Variants in CSMD1 observed in about 807,000 individuals in gnomAD.
CSMD1 encodes the protein CUB and Sushi multiple domains 1.
In CSMD1, 213 loss-of-function variants were observed where a neutral mutation model predicts 417.5. That is an observed-to-expected ratio of 0.51 (90% CI 0.46 to 0.57). The LOEUF is 0.57. Ranked by LOEUF, CSMD1 falls within the 20% of genes least tolerant of loss-of-function variation. The pLI, the probability that CSMD1 is intolerant of heterozygous loss-of-function variation, is 0.00. For synonymous variants in CSMD1, 2,862 were observed against 1,736.8 expected (o/e 1.65, Z -16.11); for missense variants, 6,923 against 4,529.7 (o/e 1.53, Z -15.17).
chr8:3,515,418 A>C (rs1449304389), intron 10 of CSMD1: 1 of 152,240 alleles, frequency 6.6e-6, no homozygotes, highest in Non-Finnish European at 1.5e-5. Context: ...AAGTTTAGAC[A>C]CTTGGTGACA....
chr8:4,063,517 G>C (rs932051703), intron 3 of CSMD1, among the ~76,000 whole-genome samples: 1 of 152,130 alleles, frequency 6.6e-6, no homozygotes, highest in African/African-American at 2.4e-5. Context: ...TATTCTGTGT[G>C]CCACAGTTTT....
chr8:3,248,833 CTG>C (rs1433927084), intron 26 of CSMD1, among the ~76,000 whole-genome samples: 1 of 152,072 alleles, frequency 6.6e-6, no homozygotes, highest in African/African-American at 2.4e-5. Flanking sequence ...TCTACTTACT[CTG>C]TTAATCTTAG....
chr8:4,781,957 A>G (rs1371532127), intron 1 of CSMD1, among the ~76,000 whole-genome samples: 3 of 152,214 alleles, frequency 2.0e-5, no homozygotes, highest in African/African-American at 7.2e-5. Context: ...TATACAAATG[A>G]CAATAAAATA....
Position 4,100,141 on chromosome 8 carries a change from C to T in CSMD1, c.416-68042G>A, listed in dbSNP as rs537955092. ...GGGAAATTACTTACTTTTCCCAATACCTTGGTTTTTATGTGAGTAAAATGG... is the reference window on the plus strand; with the variant it reads ...GGGAAATTACTTACTTTTCCCAATATCTTGGTTTTTATGTGAGTAAAATGG... On this transcript the variant is annotated intron_variant, in intron 3 of 69. Coordinates refer to ENST00000635120, the MANE Select transcript of CSMD1 (RefSeq NM_033225.6). Among the ~76,000 whole-genome samples, 11 of 152,190 alleles carry T rather than the reference C, an allele frequency of 7.2e-5. No homozygotes were observed. In the East Asian group the frequency reaches 9.7e-4, roughly 13 times the overall value.
intron 5 of CSMD1, among the ~76,000 whole-genome samples, chr8:3,958,456 T>C (rs377475057): frequency 1.3e-5 from 2 of 152,208 alleles, no homozygotes; most frequent in East Asian, 1.9e-4. Context: ...ATTTGTTTTA[T>C]TTTTAAAAAT....
intron 2 of CSMD1, among the ~76,000 whole-genome samples, chr8:4,445,711 A>G (rs1297059407): frequency 6.6e-6 from 1 of 152,152 alleles, no homozygotes; most frequent in African/African-American, 2.4e-5. Flanking sequence ...AGGAATTTCT[A>G]TTTGGGGGCG....
intron 3 of CSMD1, among the ~76,000 whole-genome samples, chr8:4,070,754 C>T (rs182804570): frequency 3.9e-5 from 6 of 152,160 alleles, no homozygotes; most frequent in Admixed American, 3.9e-4. Context: ...TTTCCTCCAC[C>T]ACGAGCCTGT....
chr8:4,844,724 A>G (rs1462389987), intron 1 of CSMD1, among the ~76,000 whole-genome samples: 2 of 152,204 alleles, frequency 1.3e-5, no homozygotes, highest in Non-Finnish European at 2.9e-5. Context: ...TTGTAGTGAT[A>G]ATTATGATTA....
intron 1 of CSMD1, among the ~76,000 whole-genome samples, chr8:4,695,360 G>C (rs774838120): frequency 2.6e-5 from 4 of 152,096 alleles, no homozygotes; most frequent in Non-Finnish European, 4.4e-5. Context: ...AGTGAGGACT[G>C]GCCCCTGTTC....
chr8:3,486,632 T>G (rs570973005), intron 11 of CSMD1, among the ~76,000 whole-genome samples: 1 of 152,210 alleles, frequency 6.6e-6, no homozygotes. Flanking sequence ...GAGCCCAGAT[T>G]AGCTGAAATG....
At chr8:4,205,758 G>C (rs115623636) in intron 3 of CSMD1, among the ~76,000 whole-genome samples, 1 of 152,132 alleles carries the variant, frequency 6.6e-6, no homozygotes, top group Non-Finnish European at 1.5e-5. Flanking sequence ...ATGAACAGCT[G>C]TTTGGGCCAT....
intron 5 of CSMD1, among the ~76,000 whole-genome samples, chr8:3,836,065 C>A (rs1411896698): frequency 6.6e-6 from 1 of 151,982 alleles, no homozygotes; most frequent in East Asian, 1.9e-4. Context: ...TTTTCTATGT[C>A]TCTAATTTCT....
intron 50 of CSMD1, among the ~76,000 whole-genome samples, chr8:3,048,164 T>C (rs1326242183): frequency 2.0e-5 from 3 of 152,234 alleles, no homozygotes; most frequent in East Asian, 3.9e-4. Flanking sequence ...AAAGTACCCA[T>C]GTCAGTCAGG....
chr8:4,904,997 T>C (rs182346185), intron 1 of CSMD1, among the ~76,000 whole-genome samples: 2 of 152,310 alleles, frequency 1.3e-5, no homozygotes, highest in East Asian at 3.9e-4. Flanking sequence ...GCAAAGGTAT[T>C]ACTCACTCTA....
chr8:4,975,353 G>C (rs1253901417), intron 1 of CSMD1, among the ~76,000 whole-genome samples: 4 of 152,294 alleles, frequency 2.6e-5, no homozygotes, highest in African/African-American at 2.4e-5. Flanking sequence ...AAAAGAAAAA[G>C]AATAATTGCA....
chr8:4,901,574 T>C (rs1804872830), intron 1 of CSMD1, among the ~76,000 whole-genome samples: 1 of 152,230 alleles, frequency 6.6e-6, no homozygotes, highest in Admixed American at 6.5e-5. Context: ...AAATGTCAGA[T>C]GTTTCTTTAC....
chr8:4,677,010 A>C, intron 1 of CSMD1, among the ~76,000 whole-genome samples: 1 of 146,572 alleles, frequency 6.8e-6, no homozygotes, highest in South Asian at 2.1e-4. Flanking sequence ...AATTTTATAT[A>C]GAATTTTACA....
At chr8:4,675,613 G>T (rs931100476) in intron 1 of CSMD1, among the ~76,000 whole-genome samples, 2 of 151,790 alleles carry the variant, frequency 1.3e-5, no homozygotes, top group African/African-American at 4.9e-5. Context: ...TTACAATGAG[G>T]ACAGAATAAA....
chr8:4,458,509 T>C (rs889520728), intron 2 of CSMD1, among the ~76,000 whole-genome samples: 2 of 152,136 alleles, frequency 1.3e-5, no homozygotes, highest in Non-Finnish European at 2.9e-5. Flanking sequence ...TAGATGAAAA[T>C]TCTGTATAGT....
Sources: allele counts gnomAD v4.1 joint callset (sites outside exome capture counted in the v4.1 genomes callset), GRCh38; gene constraint gnomAD v4.1.1; transcripts MANE v1.5; gene names NCBI Gene and HGNC (gene_info 2026-07-23, HGNC 2026-07-21).